Variants in GLB1 observed in about 807,000 individuals in gnomAD.
GLB1 encodes galactosidase beta 1, also known as beta-galactosidase.
GLB1 carries 56 observed loss-of-function variants against 74.0 expected under a neutral mutation model. The observed-to-expected ratio is 0.76, with a 90% CI of 0.61 to 0.94. GLB1 has a LOEUF of 0.94. Among genes scored for constraint, GLB1 ranks in the 40% least tolerant of loss-of-function variants. The probability of loss-of-function intolerance (pLI) is 0.00; values close to 1 mark genes in which losing one functional copy is unlikely to be tolerated. For missense variants in GLB1, 787 were observed against 845.5 expected (o/e 0.93, Z 0.86); for synonymous variants, 323 against 323.6 (o/e 1.00, Z 0.02).
At chr3:32,966,753 A>T in the GLB1 span, among the ~76,000 whole-genome samples, 1 of 152,236 alleles carries the variant, frequency 6.6e-6, no homozygotes, top group African/African-American at 2.4e-5. Flanking sequence ...GGTGGGAGGT[A>T]ATTTAATCAT....
chr3:33,013,707 C>A (rs974422930), intron 15 of GLB1, among the ~76,000 whole-genome samples: 2 of 152,114 alleles, frequency 1.3e-5, no homozygotes, highest in African/African-American at 4.8e-5. Context: ...GAAAACCAGA[C>A]AGACTCTCCC....
At chr3:33,092,496 T>C (rs1700806756) in intron 1 of GLB1, 1 of 1,072,970 alleles carries the variant, frequency 9.3e-7, no homozygotes, top group African/African-American at 1.6e-5. Context: ...GAGGTATGCC[T>C]TTCTAGCAAC....
intron 9 of GLB1, among the ~76,000 whole-genome samples, 198 bp from the exon 10 acceptor site, chr3:33,046,430 G>A (rs535425611): frequency 6.6e-6 from 1 of 152,118 alleles, no homozygotes; most frequent in South Asian, 2.1e-4. Context: ...CAGTTACCAG[G>A]CACCTTAGAG....
At chr3:32,978,364 A>T in the GLB1 span, among the ~76,000 whole-genome samples, 36,950 of 150,690 alleles carry the variant, frequency 0.25, 5,025 homozygotes, top group Middle Eastern at 0.42. Context: ...CCTTTCCCAC[A>T]GAAACAGCAT....
intron 10 of GLB1, chr3:33,045,245 C>CTTTT: frequency 1.8e-6 from 1 of 568,718 alleles, no homozygotes; most frequent in Non-Finnish European, 2.2e-6. Context: ...TAGACTCACT[C>CTTTT]TTTTTTTTTT....
At chr3:33,037,989 C>T (rs1434139247) in intron 10 of GLB1, 2 of 127,044 alleles carry the variant, frequency 1.6e-5, no homozygotes, top group African/African-American at 3.0e-5. Context: ...ATCTGTGACT[C>T]TACCTCTCAC....
chr3:33,038,621 C>T (rs886485803), intron 10 of GLB1, among the ~76,000 whole-genome samples: 12 of 152,218 alleles, frequency 7.9e-5, no homozygotes, highest in African/African-American at 2.9e-4. Context: ...CAAGGGCCAA[C>T]TGAGAGGCTA....
At chr3:33,057,832 G>A (rs1406008001) in intron 6 of GLB1, among the ~76,000 whole-genome samples, 1 of 152,166 alleles carries the variant, frequency 6.6e-6, no homozygotes, top group East Asian at 1.9e-4. Context: ...GGCCAGCCTA[G>A]CCCCTGAGAT....
intron 15 of GLB1, among the ~76,000 whole-genome samples, chr3:33,003,557 T>C (rs1696662662): frequency 6.6e-6 from 1 of 152,216 alleles, no homozygotes; most frequent in African/African-American, 2.4e-5. Context: ...CTTGTGCAAC[T>C]GGAAACAGTG....
intron 12 of GLB1, among the ~76,000 whole-genome samples, chr3:33,019,054 G>C (rs1278856250): frequency 6.6e-6 from 1 of 152,324 alleles, no homozygotes; most frequent in Non-Finnish European, 1.5e-5. Context: ...GCAGTGGCAT[G>C]CACCTGTAGT....
chr3:33,055,800 C>T (rs1182020775), intron 6 of GLB1, among the ~76,000 whole-genome samples: 3 of 151,276 alleles, frequency 2.0e-5, no homozygotes, highest in Non-Finnish European at 2.9e-5. Flanking sequence ...AAACTGCAAT[C>T]ACTTTTGCAC....
intron 12 of GLB1, among the ~76,000 whole-genome samples, chr3:33,019,670 C>T (rs989047433): frequency 2.6e-5 from 4 of 152,156 alleles, no homozygotes; most frequent in South Asian, 4.1e-4. Context: ...CTCCACATCT[C>T]CATCTCCTTC....
intron 10 of GLB1, chr3:33,024,528 C>A: frequency 1.8e-6 from 1 of 564,664 alleles, no homozygotes. Flanking sequence ...GTGTTTTAAG[C>A]TTCAGGAATA....
rs75424816 is a variant in GLB1, at chr3:33,081,565, G to C, written c.76-8852C>G. Among the ~76,000 whole-genome samples, 978 of 152,336 alleles carry C rather than the reference G, an allele frequency of 6.4e-3. 15 individuals are homozygous for C. Among genetic ancestry groups the C allele is most frequent in the African/African-American group, 0.022 (921 of 41,572 alleles). ...AGAGAACTCTCCCTTCAGGAAGGAA[G>C]GCACTGGTGAGGAGGGCCCTGGCAT... On this transcript the variant is annotated intron_variant, in intron 1 of 15. Coordinates refer to ENST00000307363, the MANE Select transcript of GLB1 (RefSeq NM_000404.4).
chr3:33,084,318 G>T (rs1417781322), intron 1 of GLB1, among the ~76,000 whole-genome samples: 2 of 152,186 alleles, frequency 1.3e-5, no homozygotes, highest in East Asian at 3.8e-4. Context: ...AGAAACAGAA[G>T]AACTATTTCA....
intron 7 of GLB1, chr3:33,052,651 G>A (rs1699044996): frequency 6.5e-6 from 1 of 153,098 alleles, no homozygotes; most frequent in Admixed American, 6.5e-5. Context: ...ATAAATAACA[G>A]CTCCAAATTC....
At chr3:32,961,631 A>G in the GLB1 span, among the ~76,000 whole-genome samples, 2 of 152,356 alleles carry the variant, frequency 1.3e-5, no homozygotes, top group East Asian at 3.9e-4. Flanking sequence ...CCTAGGCAGA[A>G]ACACAAACAT....
At chr3:33,061,020 C>T (rs1288291428) in intron 5 of GLB1, among the ~76,000 whole-genome samples, 2 of 152,172 alleles carry the variant, frequency 1.3e-5, no homozygotes, top group East Asian at 1.9e-4. Flanking sequence ...GTAGGTGAGA[C>T]ACACAAATGA....
At chr3:32,968,428 G>A in the GLB1 span, among the ~76,000 whole-genome samples, 32 of 152,200 alleles carry the variant, frequency 2.1e-4, no homozygotes, top group African/African-American at 7.2e-4. Flanking sequence ...TGGAAGGCAG[G>A]GTATAAAGTG....
Sources: allele counts gnomAD v4.1 joint callset (sites outside exome capture counted in the v4.1 genomes callset), GRCh38; gene constraint gnomAD v4.1.1; transcripts MANE v1.5; gene names NCBI Gene and HGNC (gene_info 2026-07-23, HGNC 2026-07-21).